Variants in NALF1 observed in about 807,000 individuals in gnomAD.
NALF1 encodes the protein NALCN channel auxiliary factor 1.
NALF1 carries 3 observed loss-of-function variants against 48.4 expected under a neutral mutation model. That is an observed-to-expected ratio of 0.06 (90% confidence interval 0.03 to 0.16). The LOEUF (loss-of-function observed/expected upper bound fraction) is 0.16, where lower values mean the gene tolerates loss of function less well. NALF1 is among the 10% of genes least tolerant of loss of function. The probability of loss-of-function intolerance (pLI) is 1.00; values close to 1 mark genes in which losing one functional copy is unlikely to be tolerated. For synonymous variants in NALF1, 262 were observed against 245.7 expected (o/e 1.07, Z -0.62); for missense variants, 526 against 571.5 (o/e 0.92, Z 0.81).
chr13:107,237,402 A>T (rs957809806), intron 1 of NALF1, among the ~76,000 whole-genome samples: 1 of 152,116 alleles, frequency 6.6e-6, no homozygotes, highest in African/African-American at 2.4e-5. Flanking sequence ...TCTCACTTAT[A>T]ACCCAAAAAC....
chr13:107,694,191 C>T (rs898517756), intron 1 of NALF1, among the ~76,000 whole-genome samples: 2 of 152,138 alleles, frequency 1.3e-5, no homozygotes, highest in African/African-American at 4.8e-5. Context: ...TAGGAGACGC[C>T]GTTTCAAATC....
At chr13:107,314,246 A>T (rs1882101149) in intron 1 of NALF1, among the ~76,000 whole-genome samples, 2 of 152,150 alleles carry the variant, frequency 1.3e-5, no homozygotes, top group South Asian at 4.2e-4. Flanking sequence ...TCACTTTCTA[A>T]TTAGGCTTTA....
At chr13:107,737,199 T>C (rs1351871406) in intron 1 of NALF1, among the ~76,000 whole-genome samples, 3 of 152,210 alleles carry the variant, frequency 2.0e-5, no homozygotes, top group African/African-American at 7.2e-5. Flanking sequence ...TTATATAATT[T>C]CCAGTATTTT....
At chr13:107,777,601 C>T (rs1877774994) in intron 1 of NALF1, among the ~76,000 whole-genome samples, 1 of 152,178 alleles carries the variant, frequency 6.6e-6, no homozygotes, top group Admixed American at 6.5e-5. Flanking sequence ...AGTGCCTGCT[C>T]CAGCTTCTGC....
intron 1 of NALF1, among the ~76,000 whole-genome samples, chr13:107,584,893 T>C (rs1187456504): frequency 1.3e-5 from 2 of 152,180 alleles, no homozygotes; most frequent in Non-Finnish European, 2.9e-5. Flanking sequence ...ATTATTATCA[T>C]CATCATCATC....
At chr13:107,604,571 A>C (rs1879014993) in intron 1 of NALF1, among the ~76,000 whole-genome samples, 1 of 152,212 alleles carries the variant, frequency 6.6e-6, no homozygotes, top group African/African-American at 2.4e-5. Flanking sequence ...AACTCAGTTG[A>C]AAAGGCAAGT....
rs536241351 is a variant in NALF1, at chr13:107,505,547, G to A, written c.916-294792C>T. 1.5e-3 allele frequency among the ~76,000 whole-genome samples: 230 copies of A among 152,278 alleles called. 1 individual carries two copies. The highest frequency in any genetic ancestry group is 6.8e-3 in the Middle Eastern group (2 of 294). On this transcript the variant is annotated intron_variant, in intron 1 of 2. Coordinates refer to ENST00000375915, the MANE Select transcript of NALF1 (RefSeq NM_001080396.3). ...CTGCTGGTAGACTAGATTGGAGGTG[G>A]GGAGTGAAAGAAAGAGAAAGTCATG...
intron 1 of NALF1, among the ~76,000 whole-genome samples, chr13:107,580,205 C>T (rs1006835972): frequency 6.6e-6 from 1 of 152,044 alleles, no homozygotes; most frequent in Non-Finnish European, 1.5e-5. Context: ...GAACAAAAAA[C>T]CAAACACCGC....
chr13:107,524,840 G>A (rs1030774327), intron 1 of NALF1, among the ~76,000 whole-genome samples: 3 of 151,974 alleles, frequency 2.0e-5, no homozygotes, highest in Admixed American at 6.6e-5. Flanking sequence ...TAATATTTAC[G>A]CATTCTCAGT....
chr13:107,272,239 G>A lies in NALF1; in HGVS notation c.916-61484C>T, dbSNP rs1256700940. The stretch of plus-strand genomic sequence containing the variant: ...TTTTTTTTTTTTGAGACGGAGTCTC[G>A]CTCTGTCGCCCAGGCCGGACTGCGG... On this transcript the variant is annotated intron_variant, in intron 1 of 2. Coordinates refer to ENST00000375915, the MANE Select transcript of NALF1 (RefSeq NM_001080396.3). 7.9e-4 allele frequency among the ~76,000 whole-genome samples: 8 copies of A among 10,132 alleles called. 2 individuals carry two copies. The highest frequency in any genetic ancestry group is 1.5e-3 in the African/African-American group (8 of 5,210). 6.6% of individuals were successfully genotyped at this position (10,132 alleles called of 152,430 possible). A position where few individuals can be genotyped will look rare whatever the true frequency, so the allele number is the denominator to read the frequency against.
chr13:107,627,599 A>G (rs1310830932), intron 1 of NALF1, among the ~76,000 whole-genome samples: 5 of 152,084 alleles, frequency 3.3e-5, no homozygotes, highest in Non-Finnish European at 5.9e-5. Flanking sequence ...TAGAAGTGCA[A>G]TTTCCTATAA....
intron 1 of NALF1, among the ~76,000 whole-genome samples, chr13:107,431,343 T>C (rs911001222): frequency 1.3e-5 from 2 of 152,186 alleles, no homozygotes; most frequent in African/African-American, 4.8e-5. Flanking sequence ...CTCACTTGAT[T>C]GATGTTTCAG....
intron 1 of NALF1, among the ~76,000 whole-genome samples, chr13:107,338,141 G>C (rs553911384): frequency 3.9e-4 from 59 of 152,248 alleles, no homozygotes; most frequent in African/African-American, 1.4e-3. Flanking sequence ...TATAATCCTT[G>C]TATACTTCAT....
intron 1 of NALF1, among the ~76,000 whole-genome samples, chr13:107,285,011 A>G (rs1881466056): frequency 6.6e-6 from 1 of 152,240 alleles, no homozygotes; most frequent in Non-Finnish European, 1.5e-5. Context: ...AAAGTTCAAC[A>G]GCAGATTTGA....
chr13:107,278,322 T>C (rs1292847417), intron 1 of NALF1, among the ~76,000 whole-genome samples: 3 of 152,250 alleles, frequency 2.0e-5, no homozygotes, highest in South Asian at 2.1e-4. Flanking sequence ...AATTAGACTT[T>C]TTAAAAAATT....
chr13:107,321,283 A>T (rs914196439), intron 1 of NALF1, among the ~76,000 whole-genome samples: 4 of 152,158 alleles, frequency 2.6e-5, no homozygotes, highest in African/African-American at 9.7e-5. Context: ...CAGGCTGGCT[A>T]AAGGAACAGA....
intron 1 of NALF1, chr13:107,835,290 G>A (rs1445041864): frequency 1.3e-5 from 2 of 152,164 alleles, no homozygotes; most frequent in African/African-American, 4.8e-5. Flanking sequence ...GCCTTACAAT[G>A]TGTGTACTGT....
chr13:107,466,344 A>G (rs935585341), intron 1 of NALF1: 2 of 152,264 alleles, frequency 1.3e-5, no homozygotes, highest in African/African-American at 4.8e-5. Flanking sequence ...CATATCAGTG[A>G]TTAGATTTCA....
intron 1 of NALF1, among the ~76,000 whole-genome samples, chr13:107,315,914 A>G (rs1882139829): frequency 6.6e-6 from 1 of 150,942 alleles, no homozygotes; most frequent in South Asian, 2.1e-4. Flanking sequence ...TTTATTTATT[A>G]TACTTTAAGT....
Sources: gnomAD v4.1 joint callset for allele counts (sites outside exome capture counted in the v4.1 genomes callset) on GRCh38, gnomAD v4.1.1 for gene constraint, MANE v1.5 for transcripts, NCBI Gene and HGNC (gene_info 2026-07-23, HGNC 2026-07-21) for gene names.